Variants in GCSH observed in about 807,000 individuals in gnomAD.
GCSH encodes the protein glycine cleavage system protein H.
In GCSH, 15 loss-of-function variants were observed where a neutral mutation model predicts 21.3. The observed-to-expected ratio is 0.70, with a 90% CI of 0.47 to 1.08. The LOEUF (loss-of-function observed/expected upper bound fraction) is 1.08. Ranked by LOEUF, GCSH falls within the 50% of genes least tolerant of loss-of-function variation. The probability of loss-of-function intolerance (pLI) is 0.00; values close to 1 mark genes in which losing one functional copy is unlikely to be tolerated. For missense variants in GCSH, 179 were observed against 217.5 expected (o/e 0.82, Z 1.11); for synonymous variants, 59 against 84.5 (o/e 0.70, Z 1.66).
intron 1 of GCSH, among the ~76,000 whole-genome samples, chr16:81,094,954 G>A (rs1972470990): frequency 6.6e-6 from 1 of 152,062 alleles, no homozygotes; most frequent in Non-Finnish European, 1.5e-5. Context: ...TCAGCTGGAG[G>A]TGGTGACGGG....
Position 81,096,242 on chromosome 16 carries a change from G to C in GCSH, c.37C>G (p.Leu13Val), listed in dbSNP as rs1000023343. 4.4e-6 allele frequency: 6 copies of C among 1,360,780 alleles called. No homozygotes were observed. The highest frequency in any genetic ancestry group is 3.7e-5 in the Admixed American group (1 of 26,724). 84.3% of individuals were successfully genotyped at this position (1,360,780 alleles called of 1,614,324 possible). Residue 13 changes from leucine to valine, a missense_variant, in exon 1 of 5, where the codon CTC (leucine) becomes GTC (valine). Transcript: ENST00000315467. ...LRVVRSVRAL[L>V]CTLRAVPSPA... is the part of the protein sequence containing the mutation. ...GACGGGACCGCGCGCAGGGTGCAGA[G>C]CAGGGCCCGCACGCTCCGCACCACT...
In GCSH at chr16:81,082,372, G is replaced by C. The variant is rs1972183424; in HGVS notation, c.*494C>G. On this transcript the variant is annotated 3_prime_UTR_variant, in exon 5 of 5. Coordinates refer to ENST00000315467, the MANE Select transcript of GCSH (RefSeq NM_004483.5). ...TTTGCTGCAAAGCTGTTGCTTCACT[G>C]TATAAAAATAGCACCAGCAAATGCA... The C allele has an allele frequency of 2.4e-6, 1 of 412,460 alleles. No homozygotes were observed. The highest frequency in any genetic ancestry group is 2.9e-5 in the Admixed American group (1 of 34,476). The allele number at this position is 412,460 out of a possible 1,614,324, so 25.6% of individuals were successfully genotyped here.
At chr16:81,092,154 G>A (rs762048565) in intron 1 of GCSH, among the ~76,000 whole-genome samples, 1 of 151,768 alleles carries the variant, frequency 6.6e-6, no homozygotes, top group Non-Finnish European at 1.5e-5. Context: ...AACTACTTCC[G>A]GTCTAGATTC....
Position 81,082,619 on chromosome 16 carries a change from A to G in GCSH, c.*247T>C. On this transcript the variant is annotated 3_prime_UTR_variant, in exon 5 of 5. Coordinates refer to ENST00000315467, the MANE Select transcript of GCSH (RefSeq NM_004483.5). The stretch of plus-strand genomic sequence containing the variant: ...ACTAGTTTTTACCATGGATAATTTC[A>G]TGAATTCTGAACACTAGAGCCTAGT... 5.1e-6 allele frequency: 2 copies of G among 389,050 alleles called. No homozygotes were observed. Among genetic ancestry groups the G allele is most frequent in the East Asian group, 1.1e-4 (2 of 18,030 alleles). 24.1% of individuals were successfully genotyped at this position (389,050 alleles called of 1,614,324 possible).
intron 4 of GCSH, 109 bp downstream of exon 4, chr16:81,084,354 C>A (rs773838631): frequency 1.2e-6 from 1 of 848,088 alleles, no homozygotes; most frequent in Non-Finnish European, 2.0e-6. Context: ...CTATTTAGTA[C>A]CAAGAAGTAG....
chr16:81,087,404 A>C (rs8177912), intron 3 of GCSH, among the ~76,000 whole-genome samples, 197 bp downstream of exon 3: 201 of 151,992 alleles, frequency 1.3e-3, no homozygotes, highest in African/African-American at 4.7e-3. Flanking sequence ...TGCCTGAGAC[A>C]CAAGAATCGC....
intron 1 of GCSH, among the ~76,000 whole-genome samples, chr16:81,094,029 G>A (rs995002176): frequency 1.2e-4 from 18 of 151,974 alleles, no homozygotes; most frequent in African/African-American, 4.3e-4. Flanking sequence ...CTCCCAAGGA[G>A]CTGGGATTAC....
chr16:81,093,475 C>T (rs1380539510), intron 1 of GCSH, among the ~76,000 whole-genome samples: 1 of 152,054 alleles, frequency 6.6e-6, no homozygotes, highest in Non-Finnish European at 1.5e-5. Flanking sequence ...GTTAGTGTCT[C>T]AAACATTTGG....
chr16:81,092,506 C>T (rs146079801), intron 1 of GCSH, among the ~76,000 whole-genome samples: 84 of 151,930 alleles, frequency 5.5e-4, no homozygotes, highest in African/African-American at 1.9e-3. Context: ...TTTGGGAGGC[C>T]GAGGCGGGTG....
At chr16:81,091,119 AAT>A in intron 1 of GCSH, 1 of 454,306 alleles carries the variant, frequency 2.2e-6, no homozygotes, top group Non-Finnish European at 4.4e-6. Context: ...TAAAAAAAAA[AAT>A]AACAGTAATA....
rs779613867 is a variant in GCSH, at chr16:81,096,282, C to T, written c.-4G>A. 10 of 1,043,640 alleles carry T rather than the reference C, an allele frequency of 9.6e-6. No homozygotes were observed. Among genetic ancestry groups the T allele is most frequent in the Non-Finnish European group, 1.3e-5 (10 of 781,750 alleles). The allele number at this position is 1,043,640 out of a possible 1,614,324, so 64.6% of individuals were successfully genotyped here. A position where few individuals can be genotyped will look rare whatever the true frequency, so the allele number is the denominator to read the frequency against. The stretch of plus-strand genomic sequence containing the variant: ...TCCGCACCACTCGCAGCGCCATGTT[C>T]GCAGGGGTGCGGGGGTCGCAGCGCT... On this transcript the variant is annotated 5_prime_UTR_variant, in exon 1 of 5. Coordinates refer to ENST00000315467, the MANE Select transcript of GCSH (RefSeq NM_004483.5).
At chr16:81,090,798 C>T in intron 1 of GCSH, 118 bp from the exon 2 acceptor site, 1 of 749,904 alleles carries the variant, frequency 1.3e-6, no homozygotes, top group Admixed American at 1.9e-5. Flanking sequence ...GTTGACACTA[C>T]CTTTAAATAG....
intron 2 of GCSH, among the ~76,000 whole-genome samples, chr16:81,089,878 G>A (rs1189842326): frequency 6.6e-6 from 1 of 152,154 alleles, no homozygotes; most frequent in Non-Finnish European, 1.5e-5. Flanking sequence ...GGTCACGTGT[G>A]TATCACTGGA....
At chr16:81,084,432 A>C (rs879141959) in intron 4 of GCSH, 31 bp downstream of exon 4, 3 of 1,553,114 alleles carry the variant, frequency 1.9e-6, no homozygotes, top group Admixed American at 3.3e-5. Flanking sequence ...TGTAGTAGTA[A>C]TTCCTTGAGA....
intron 3 of GCSH, among the ~76,000 whole-genome samples, chr16:81,085,714 GC>G (rs1972259136): frequency 6.6e-6 from 1 of 152,022 alleles, no homozygotes; most frequent in African/African-American, 2.4e-5. Flanking sequence ...AAAAAAATTA[GC>G]CGGGCGTGGT....
At chr16:81,085,721 G>A (rs1972259416) in intron 3 of GCSH, among the ~76,000 whole-genome samples, 1 of 152,218 alleles carries the variant, frequency 6.6e-6, no homozygotes, top group East Asian at 1.9e-4. Flanking sequence ...TTAGCCGGGC[G>A]TGGTGGTGGG....
chr16:81,090,159 C>G lies in GCSH; in HGVS notation c.228+442G>C, dbSNP rs550752021. ...AGGCTAGAGTGTAGTGGTGCAATCT[C>G]GGCTTACTGCAACTTCTGCCTCCCA... is the stretch of plus-strand genomic sequence containing the variant. On this transcript the variant is annotated intron_variant, in intron 2 of 4. Transcript: ENST00000315467. Among the ~76,000 whole-genome samples, 3 of 151,278 alleles carry G rather than the reference C, an allele frequency of 2.0e-5. No individual in the cohort carries two copies. The South Asian group carries it at 6.3e-4, about 32-fold the overall frequency.
intron 1 of GCSH, among the ~76,000 whole-genome samples, chr16:81,094,460 C>T (rs1394330433): frequency 6.6e-6 from 1 of 151,224 alleles, no homozygotes; most frequent in East Asian, 1.9e-4. Context: ...AGCCAAGATC[C>T]TGCCACTGGA....
intron 1 of GCSH, among the ~76,000 whole-genome samples, chr16:81,094,793 T>C (rs905250742): frequency 5.3e-5 from 8 of 152,072 alleles, no homozygotes; most frequent in African/African-American, 1.7e-4. Flanking sequence ...GTATCAAACA[T>C]TTGGGCGTAA....
Sources: gnomAD v4.1 joint callset for allele counts (sites outside exome capture counted in the v4.1 genomes callset) on GRCh38, gnomAD v4.1.1 for gene constraint, MANE v1.5 for transcripts, NCBI Gene and HGNC (gene_info 2026-07-23, HGNC 2026-07-21) for gene names.